The following ZNF804B variants were observed in gnomAD, a reference collection of about 807,000 sequenced individuals.
ZNF804B encodes zinc finger 804B.
Under a neutral mutation model 101.4 loss-of-function variants are expected in ZNF804B, and 80 were observed. That is an observed-to-expected ratio of 0.79 (90% CI 0.66 to 0.95). The LOEUF (loss-of-function observed/expected upper bound fraction) is 0.95, where lower values mean the gene tolerates loss of function less well. Among genes scored for constraint, ZNF804B ranks in the 40% least tolerant of loss-of-function variants. ZNF804B has a pLI of 0.00. For missense variants in ZNF804B, 1,673 were observed against 1,561.9 expected, an observed-to-expected ratio of 1.07 and a Z score of -1.20; for synonymous variants, 622 against 558.8, an observed-to-expected ratio of 1.11 and a Z score of -1.59.
chr7:89,007,064 T>C (rs1169231844), intron 1 of ZNF804B, among the ~76,000 whole-genome samples: 1 of 152,132 alleles, frequency 6.6e-6, no homozygotes, highest in African/African-American at 2.4e-5. Context: ...ACCTGGTCCC[T>C]CTTTCTGATT....
intron 1 of ZNF804B, among the ~76,000 whole-genome samples, chr7:88,992,535 C>T (rs1793861475): frequency 6.6e-6 from 1 of 152,046 alleles, no homozygotes; most frequent in Non-Finnish European, 1.5e-5. Flanking sequence ...CTGGGCTGGC[C>T]TTAAGCGGGG....
At chr7:88,854,529 T>TCCTTTCCTTCCCTTCCCTTCCCTTC (rs1562812904) in intron 1 of ZNF804B, among the ~76,000 whole-genome samples, 35 of 57,918 alleles carry the variant, frequency 6.0e-4, no homozygotes, top group African/African-American at 2.0e-3. Context: ...TTCCTTCCTT[T>TCCTTTCCTTCCCTTCCCTTCCCTTC]CCTTCCTTCC....
At chr7:88,815,699 C>T (rs895023110) in intron 1 of ZNF804B, among the ~76,000 whole-genome samples, 2 of 152,054 alleles carry the variant, frequency 1.3e-5, no homozygotes, top group Non-Finnish European at 2.9e-5. Context: ...ATAACACTTT[C>T]TCAGCCTGCT....
chr7:88,843,554 G>A (rs1045966080), intron 1 of ZNF804B, among the ~76,000 whole-genome samples: 9 of 151,930 alleles, frequency 5.9e-5, no homozygotes, highest in African/African-American at 9.7e-5. Context: ...TGGCTAACAC[G>A]GTCAAACCCC....
chr7:88,794,574 T>C (rs781359459), intron 1 of ZNF804B: 36 of 1,613,666 alleles, frequency 2.2e-5, no homozygotes, highest in Non-Finnish European at 3.1e-5. Context: ...GAATAAAAAA[T>C]ACTGTTTCAT....
At chr7:89,253,408 AAGT>A (rs1422161871) in intron 2 of ZNF804B, among the ~76,000 whole-genome samples, 1 of 152,176 alleles carries the variant, frequency 6.6e-6, no homozygotes, top group Non-Finnish European at 1.5e-5. Context: ...ATATAGGTAT[AAGT>A]AGAGATGCTA....
At chr7:89,205,856 C>T (rs1788707084) in intron 1 of ZNF804B, among the ~76,000 whole-genome samples, 1 of 152,156 alleles carries the variant, frequency 6.6e-6, no homozygotes, top group Non-Finnish European at 1.5e-5. Flanking sequence ...ATGTGGGGGG[C>T]TCAAATCCCA....
intron 1 of ZNF804B, among the ~76,000 whole-genome samples, chr7:88,848,390 G>T (rs1411473189): frequency 6.6e-6 from 1 of 152,102 alleles, no homozygotes; most frequent in African/African-American, 2.4e-5. Flanking sequence ...GAAATTAAAG[G>T]AAAGATGCAG....
intron 1 of ZNF804B, among the ~76,000 whole-genome samples, chr7:89,106,045 G>A (rs1790131336): frequency 6.6e-6 from 1 of 152,262 alleles, no homozygotes; most frequent in South Asian, 2.1e-4. Context: ...ACACCCATGT[G>A]TTCAGCTCTC....
intron 1 of ZNF804B, among the ~76,000 whole-genome samples, chr7:88,952,431 A>G (rs1430471564): frequency 6.6e-6 from 1 of 151,730 alleles, no homozygotes; most frequent in Non-Finnish European, 1.5e-5. Flanking sequence ...TGTTACAATT[A>G]TGTGGTTCAT....
chr7:89,068,633 A>G (rs892605679), intron 1 of ZNF804B, among the ~76,000 whole-genome samples: 2 of 152,202 alleles, frequency 1.3e-5, no homozygotes, highest in Admixed American at 1.3e-4. Flanking sequence ...AACATTATAA[A>G]CGGGAGATGC....
At chr7:88,870,412 G>A (rs1791804853) in intron 1 of ZNF804B, among the ~76,000 whole-genome samples, 1 of 139,670 alleles carries the variant, frequency 7.2e-6, no homozygotes, top group Admixed American at 7.1e-5. Context: ...AAAAAAGGTG[G>A]GTGATTGGAA....
At chr7:89,035,897 A>G (rs951978464) in intron 1 of ZNF804B, among the ~76,000 whole-genome samples, 6 of 145,554 alleles carry the variant, frequency 4.1e-5, no homozygotes, top group Non-Finnish European at 7.5e-5. Context: ...ACATTATATT[A>G]TTATATATTT....
chr7:89,189,174 A>C (rs1788418638), intron 1 of ZNF804B, among the ~76,000 whole-genome samples: 1 of 152,178 alleles, frequency 6.6e-6, no homozygotes, highest in East Asian at 1.9e-4. Flanking sequence ...TGTGCTCTAT[A>C]AATGCAACAA....
At chr7:88,774,791 G>A in intron 1 of ZNF804B, among the ~76,000 whole-genome samples, 1 of 152,156 alleles carries the variant, frequency 6.6e-6, no homozygotes, top group East Asian at 1.9e-4. Flanking sequence ...CCTCTAAATT[G>A]TAGAGACCAC....
intron 1 of ZNF804B, among the ~76,000 whole-genome samples, chr7:88,800,035 G>A (rs1413738984): frequency 6.6e-6 from 1 of 151,866 alleles, no homozygotes; most frequent in East Asian, 1.9e-4. Flanking sequence ...CTGTGCTCAG[G>A]TCCTAGCGAA....
chr7:88,921,129 G>A (rs896660313), intron 1 of ZNF804B, among the ~76,000 whole-genome samples: 3 of 152,058 alleles, frequency 2.0e-5, no homozygotes, highest in Admixed American at 2.0e-4. Context: ...TTTCAGAGAA[G>A]GGTGAGTGTG....
intron 1 of ZNF804B, among the ~76,000 whole-genome samples, chr7:88,979,523 TC>T (rs1405645621): frequency 2.0e-5 from 3 of 151,914 alleles, no homozygotes; most frequent in Admixed American, 2.0e-4. Flanking sequence ...CTGTAAGACT[TC>T]CACAGAAAAG....
chr7:89,261,699 G>C (rs1047618916), intron 2 of ZNF804B, among the ~76,000 whole-genome samples: 7 of 152,154 alleles, frequency 4.6e-5, no homozygotes, highest in African/African-American at 1.7e-4. Context: ...TGTACCACAT[G>C]TCATTGCACT....
Sources: allele counts gnomAD v4.1 joint callset (sites outside exome capture counted in the v4.1 genomes callset), GRCh38; gene constraint gnomAD v4.1.1; transcripts MANE v1.5; gene names NCBI Gene and HGNC (gene_info 2026-07-23, HGNC 2026-07-21).